The following RASGEF1C variants were observed in gnomAD, a reference collection of about 807,000 sequenced individuals.
RASGEF1C encodes ras-GEF domain-containing family member 1C.
Under a neutral mutation model 58.1 loss-of-function variants are expected in RASGEF1C, and 27 were observed. That is an observed-to-expected ratio of 0.46 (90% CI 0.34 to 0.64). The LOEUF (loss-of-function observed/expected upper bound fraction) is 0.64. Ranked by LOEUF, RASGEF1C falls within the 30% of genes least tolerant of loss-of-function variation. RASGEF1C has a pLI of 0.01. For missense variants in RASGEF1C, 502 were observed against 605.1 expected (o/e 0.83, Z 1.79); for synonymous variants, 243 against 246.3 (o/e 0.99, Z 0.13).
chr5:180,118,017 A>G (rs1766098847), intron 10 of RASGEF1C, among the ~76,000 whole-genome samples: 2 of 144,708 alleles, frequency 1.4e-5, no homozygotes, highest in Admixed American at 1.4e-4. Flanking sequence ...AAAAAAAAAT[A>G]CGAGCTGTGA....
At chr5:180,199,649 C>T (rs1452859726) in intron 1 of RASGEF1C, among the ~76,000 whole-genome samples, 1 of 151,976 alleles carries the variant, frequency 6.6e-6, no homozygotes, top group African/African-American at 2.4e-5. Flanking sequence ...CCAAGGTGAC[C>T]TCTGCCTTCC....
At chr5:180,178,963 G>A (rs1364829822) in intron 1 of RASGEF1C, among the ~76,000 whole-genome samples, 1 of 152,176 alleles carries the variant, frequency 6.6e-6, no homozygotes, top group Non-Finnish European at 1.5e-5. Context: ...AGGACAGCAA[G>A]GTCTGAGGGC....
intron 1 of RASGEF1C, among the ~76,000 whole-genome samples, chr5:180,180,415 C>A (rs1316677289): frequency 6.6e-6 from 1 of 152,256 alleles, no homozygotes; most frequent in Non-Finnish European, 1.5e-5. Context: ...AGTCAGAAGA[C>A]AAACTGGCCG....
intron 10 of RASGEF1C, among the ~76,000 whole-genome samples, chr5:180,117,132 C>T (rs1010893188): frequency 2.0e-5 from 3 of 152,324 alleles, no homozygotes; most frequent in Admixed American, 6.5e-5. Context: ...CGCCACCTGC[C>T]CTGGGATTTG....
chr5:180,181,797 A>C (rs1767333199), intron 1 of RASGEF1C, among the ~76,000 whole-genome samples: 1 of 152,214 alleles, frequency 6.6e-6, no homozygotes, highest in Non-Finnish European at 1.5e-5. Context: ...TACAAACACA[A>C]GGCTGAGTGG....
intron 1 of RASGEF1C, among the ~76,000 whole-genome samples, 184 bp downstream of exon 1, chr5:180,208,844 C>A (rs1200794004): frequency 6.6e-6 from 1 of 151,374 alleles, no homozygotes; most frequent in Admixed American, 6.6e-5. Context: ...CCCGCTACCC[C>A]CGCGCCTCCA....
At chr5:180,150,821 C>A (rs1025102680) in intron 1 of RASGEF1C, among the ~76,000 whole-genome samples, 33 of 152,094 alleles carry the variant, frequency 2.2e-4, no homozygotes, top group African/African-American at 8.0e-4. Context: ...AAAACCCCAT[C>A]GTCTCAGCCC....
At chr5:180,188,071 A>G (rs1383410526) in intron 1 of RASGEF1C, among the ~76,000 whole-genome samples, 3 of 152,226 alleles carry the variant, frequency 2.0e-5, no homozygotes, top group African/African-American at 4.8e-5. Context: ...CAAAAGGGGG[A>G]AACAACCCAC....
rs879711739 is a variant in RASGEF1C at position 180,198,307 on chromosome 5, T to C, written c.-7+10721A>G. Reference sequence around the variant, plus strand: ...TCGGGTGCCCAAGAAGGGAAGAAAGTGAAGGCATACTGGACGCCTGCCTTG... The same window carrying C: ...TCGGGTGCCCAAGAAGGGAAGAAAGCGAAGGCATACTGGACGCCTGCCTTG... On this transcript the variant is annotated intron_variant, in intron 1 of 13. Coordinates refer to ENST00000361132, the MANE Select transcript of RASGEF1C (RefSeq NM_175062.4). This position sits in a 1 kb window ranked among gnomAD's most constrained non-coding sequence, Gnocchi z 4.5. Among the ~76,000 whole-genome samples the C allele has an allele frequency of 2.0e-5, 3 of 152,162 alleles. No individual in the cohort carries two copies. The highest frequency in any genetic ancestry group is 7.2e-5 in the African/African-American group (3 of 41,418).
chr5:180,129,144 G>GC (rs953262407), intron 4 of RASGEF1C, among the ~76,000 whole-genome samples: 5 of 152,130 alleles, frequency 3.3e-5, no homozygotes, highest in African/African-American at 4.8e-5. Flanking sequence ...GACTGACTGT[G>GC]CCCCCCAGGG....
At chr5:180,178,122 A>G (rs1425909615) in intron 1 of RASGEF1C, among the ~76,000 whole-genome samples, 1 of 148,828 alleles carries the variant, frequency 6.7e-6, no homozygotes, top group African/African-American at 2.5e-5. Flanking sequence ...GTGCACCACC[A>G]AGCCTGGCTA....
At chr5:180,112,414 A>C (rs1023528283) in intron 11 of RASGEF1C, among the ~76,000 whole-genome samples, 4 of 152,108 alleles carry the variant, frequency 2.6e-5, no homozygotes, top group African/African-American at 9.7e-5. Flanking sequence ...TGCAGGGGAC[A>C]CTCACAGCCC....
At chr5:180,119,232 C>A in intron 8 of RASGEF1C, 114 bp downstream of exon 8, 1 of 914,290 alleles carries the variant, frequency 1.1e-6, no homozygotes. Flanking sequence ...GGCCCACGCC[C>A]TCCCGCTGCT....
chr5:180,189,767 C>T (rs772713554), intron 1 of RASGEF1C, among the ~76,000 whole-genome samples: 1 of 151,326 alleles, frequency 6.6e-6, no homozygotes, highest in Non-Finnish European at 1.5e-5. Context: ...ACTGAAAATA[C>T]AAAAAATTAG....
chr5:180,153,421 C>T (rs1421960220), intron 1 of RASGEF1C, among the ~76,000 whole-genome samples: 2 of 152,208 alleles, frequency 1.3e-5, no homozygotes, highest in Non-Finnish European at 2.9e-5. Flanking sequence ...CAGAATTCAC[C>T]ATGATTTACT....
At chr5:180,131,787 C>T (rs532411077) in intron 4 of RASGEF1C, among the ~76,000 whole-genome samples, 92 of 152,310 alleles carry the variant, frequency 6.0e-4, no homozygotes, top group South Asian at 3.3e-3. Context: ...GATAGGGCCA[C>T]GAGATTGCCT....
At chr5:180,133,778 A>T (rs1028451006) in intron 4 of RASGEF1C, among the ~76,000 whole-genome samples, 4 of 151,826 alleles carry the variant, frequency 2.6e-5, no homozygotes, top group African/African-American at 9.7e-5. Flanking sequence ...ACCATTCTTC[A>T]CTTTTGTATG....
intron 1 of RASGEF1C, among the ~76,000 whole-genome samples, chr5:180,142,964 A>C (rs1202801780): frequency 1.3e-5 from 2 of 152,094 alleles, no homozygotes; most frequent in African/African-American, 4.8e-5. Context: ...ACACAGCCCC[A>C]AGTGGCTGAG....
intron 1 of RASGEF1C, among the ~76,000 whole-genome samples, chr5:180,178,998 G>T (rs888063222): frequency 6.6e-6 from 1 of 152,116 alleles, no homozygotes; most frequent in African/African-American, 2.4e-5. Flanking sequence ...GGAGGCCCCC[G>T]GCCATGGGGC....
Sources: gnomAD v4.1 joint callset for allele counts (sites outside exome capture counted in the v4.1 genomes callset) on GRCh38, gnomAD v4.1.1 for gene constraint, Gnocchi (gnomAD v3.1) non-coding constraint, MANE v1.5 for transcripts, NCBI Gene and HGNC (gene_info 2026-07-23, HGNC 2026-07-21) for gene names.